NTN1: variants seen among roughly 807,000 people sequenced by gnomAD.
The protein encoded by NTN1 is netrin 1, also known as netrin-1.
Under a neutral mutation model 54.2 loss-of-function variants are expected in NTN1, and 11 were observed. That is an observed-to-expected ratio of 0.20 (90% CI 0.13 to 0.34). The LOEUF (loss-of-function observed/expected upper bound fraction) is 0.34, where lower values mean the gene tolerates loss of function less well. Ranked by LOEUF, NTN1 falls within the 10% of genes least tolerant of loss-of-function variation. The pLI is 1.00. For synonymous variants in NTN1, 371 were observed against 382.0 expected (o/e 0.97, Z 0.33); for missense variants, 740 against 893.1 (o/e 0.83, Z 2.18).
intron 2 of NTN1, among the ~76,000 whole-genome samples, chr17:9,134,787 C>G (rs112899658): frequency 8.5e-5 from 13 of 152,286 alleles, no homozygotes; most frequent in African/African-American, 2.6e-4. Flanking sequence ...GTTTAAGCCT[C>G]AGGCCTGGGG....
chr17:9,013,127 C>G, the NTN1 span, among the ~76,000 whole-genome samples: 1 of 151,996 alleles, frequency 6.6e-6, no homozygotes, highest in Non-Finnish European at 1.5e-5. Context: ...CTGTGGTAGC[C>G]AGGTCTGTTC....
Position 9,239,723 on chromosome 17 carries a change from G to C in NTN1, c.1570G>C (p.Gly524Arg), listed in dbSNP as rs755534824. ...TVNIISVYKQ[G>R]TSRIRRGDQS... The stretch of plus-strand genomic sequence containing the variant: ...GAACATCATCTCCGTGTATAAGCAG[G>C]GCACGAGCCGCATCCGCCGCGGTGA... The change falls in exon 7 of 7, where the codon GGC (glycine) becomes CGC (arginine). Residue 524 changes from glycine (G) to arginine (R), a missense_variant. Physicochemically the swap from Gly to Arg is moderately radical, Grantham distance 125. Transcript: ENST00000173229. This position sits in a 1 kb window ranked among gnomAD's most constrained non-coding sequence, Gnocchi z 5.2. 6.2e-7 allele frequency: 1 copy of C among 1,613,026 alleles called. No individual in the cohort carries two copies. Among genetic ancestry groups the C allele is most frequent in the Admixed American group, 1.7e-5 (1 of 59,922 alleles).
intron 5 of NTN1, among the ~76,000 whole-genome samples, chr17:9,201,127 A>C (rs1385759237): frequency 6.6e-6 from 1 of 152,212 alleles, no homozygotes; most frequent in African/African-American, 2.4e-5. Context: ...TATGAGGCAG[A>C]ATTTGCATCT....
At chr17:9,214,110 TATTA>T (rs547217247) in intron 5 of NTN1, among the ~76,000 whole-genome samples, 22 of 152,336 alleles carry the variant, frequency 1.4e-4, no homozygotes, top group African/African-American at 4.1e-4. Context: ...CTTCTGTTGT[TATTA>T]ATTCATTCCT....
At chr17:9,067,619 T>C (rs2092019422) in intron 2 of NTN1, among the ~76,000 whole-genome samples, 1 of 152,206 alleles carries the variant, frequency 6.6e-6, no homozygotes, top group Non-Finnish European at 1.5e-5. Context: ...CAAACTCCTT[T>C]ACGTGGAATT....
chr17:9,036,960 G>A (rs1448392302), intron 2 of NTN1, among the ~76,000 whole-genome samples: 4 of 152,076 alleles, frequency 2.6e-5, no homozygotes, highest in Non-Finnish European at 5.9e-5. Context: ...CACTTGCAGG[G>A]GTGGGGACAT....
At chr17:9,069,459 G>A (rs1240580355) in intron 2 of NTN1, among the ~76,000 whole-genome samples, 1 of 152,198 alleles carries the variant, frequency 6.6e-6, no homozygotes. Flanking sequence ...AACCTTAGCA[G>A]AACCTGTATA....
chr17:9,203,924 G>A (rs2142339891), intron 5 of NTN1, among the ~76,000 whole-genome samples: 1 of 152,330 alleles, frequency 6.6e-6, no homozygotes, highest in East Asian at 1.9e-4. Context: ...AAGGAACCAG[G>A]AAGCCTTGGA....
rs869283987 is a variant in NTN1 at position 9,036,383 on chromosome 17, C to CT, written c.1018+13019dup. ...ACCACTGGGCCAAGTCGTCTCTTAT[C>CT]TTTTTTTTTTTTTTTTTTTTTTTTT... On this transcript the variant is annotated intron_variant, in intron 2 of 6. Transcript: ENST00000173229. Among the ~76,000 whole-genome samples, 396 of 107,212 alleles carry CT rather than the reference C, an allele frequency of 3.7e-3. 13 individuals are homozygous for CT. Among genetic ancestry groups the CT allele is most frequent in the Non-Finnish European group, 4.8e-3 (264 of 55,484 alleles). 70.3% of individuals were successfully genotyped at this position (107,212 alleles called of 152,430 possible).
intron 6 of NTN1, among the ~76,000 whole-genome samples, chr17:9,230,458 CGAGTGCCAG>C (rs1567747049): frequency 1.7e-4 from 25 of 150,960 alleles, no homozygotes; most frequent in African/African-American, 5.4e-4. Context: ...ACCCCCCCCC[CGAGTGCCAG>C]CCCCATATGG....
chr17:9,159,155 A>G (rs2092350934), intron 2 of NTN1, among the ~76,000 whole-genome samples: 2 of 152,234 alleles, frequency 1.3e-5, no homozygotes, highest in Non-Finnish European at 2.9e-5. Flanking sequence ...AAGACAAACA[A>G]TGTTTAATCC....
At chr17:9,038,458 T>C (rs1409409686) in intron 2 of NTN1, among the ~76,000 whole-genome samples, 1 of 152,180 alleles carries the variant, frequency 6.6e-6, no homozygotes, top group East Asian at 1.9e-4. Flanking sequence ...TTCTCTTTTA[T>C]TCACAGGGGG....
chr17:9,052,002 C>T (rs962895096), intron 2 of NTN1, among the ~76,000 whole-genome samples: 8 of 150,812 alleles, frequency 5.3e-5, no homozygotes, highest in Admixed American at 2.7e-4. Context: ...CGCGGAGTTT[C>T]GCTCTTGCTG....
At chr17:9,027,953 G>A (rs922332197) in intron 2 of NTN1, among the ~76,000 whole-genome samples, 6 of 151,976 alleles carry the variant, frequency 3.9e-5, no homozygotes, top group Admixed American at 1.3e-4. Flanking sequence ...GTGAAACCCC[G>A]TCTCTACTAA....
chr17:9,127,085 A>G lies in NTN1; in HGVS notation c.1019-35728A>G, dbSNP rs1203891776. ...TGTGGTAGGGCCGGGGGGGGGCAGG[A>G]CAGGGAGTTAGGATTTTATTCCAGG... is the stretch of plus-strand genomic sequence containing the variant. On this transcript the variant is annotated intron_variant, in intron 2 of 6. Coordinates refer to ENST00000173229, the MANE Select transcript of NTN1 (RefSeq NM_004822.3). 4.9e-5 allele frequency among the ~76,000 whole-genome samples: 7 copies of G among 141,896 alleles called. No homozygotes were observed. The East Asian group carries it at 8.7e-4, about 18-fold the overall frequency. The allele number at this position is 141,896 out of a possible 152,430, so 93.1% of individuals were successfully genotyped here.
rs568485729 is a variant in NTN1 at position 9,211,736 on chromosome 17, A to G, written c.1412-9432A>G. ...TGCCTTCACCAGTTTGCTAGGCAGAAGCGCTATATTCTTGTTGGTTTATGT... is the reference window on the plus strand; with the variant it reads ...TGCCTTCACCAGTTTGCTAGGCAGAGGCGCTATATTCTTGTTGGTTTATGT... On this transcript the variant is annotated intron_variant, in intron 5 of 6. Coordinates refer to ENST00000173229, the MANE Select transcript of NTN1 (RefSeq NM_004822.3). The surrounding 1 kb of genome is among the most constrained non-coding windows in gnomAD (Gnocchi z 4.4). 1.7e-4 allele frequency among the ~76,000 whole-genome samples: 26 copies of G among 152,020 alleles called. No individual in the cohort carries two copies. The highest frequency in any genetic ancestry group is 6.0e-4 in the African/African-American group (25 of 41,514).
chr17:9,225,172 T>C (rs1000888144), intron 6 of NTN1, among the ~76,000 whole-genome samples: 2 of 152,006 alleles, frequency 1.3e-5, no homozygotes, highest in Non-Finnish European at 2.9e-5. Context: ...GGAGAATTGT[T>C]TGAACCTGGA....
intron 5 of NTN1, among the ~76,000 whole-genome samples, chr17:9,208,288 A>T (rs1469804222): frequency 1.3e-5 from 2 of 152,218 alleles, no homozygotes; most frequent in Non-Finnish European, 2.9e-5. Context: ...CAGGGGTATC[A>T]TCAGAATAAT....
intron 2 of NTN1, among the ~76,000 whole-genome samples, chr17:9,161,989 G>A (rs1034090124): frequency 5.0e-5 from 7 of 139,318 alleles, no homozygotes; most frequent in Middle Eastern, 7.6e-3. Context: ...GATGAGTGGT[G>A]AAGGAGACAG....
Sources: gnomAD v4.1 joint callset for allele counts (sites outside exome capture counted in the v4.1 genomes callset) on GRCh38, gnomAD v4.1.1 for gene constraint, Gnocchi (gnomAD v3.1) non-coding constraint, MANE v1.5 for transcripts, NCBI Gene and HGNC (gene_info 2026-07-23, HGNC 2026-07-21) for gene names.